SPATA13: variants seen among roughly 807,000 people sequenced by gnomAD.
SPATA13 encodes spermatogenesis associated 13, also known as spermatogenesis-associated protein 13.
In SPATA13, 50 loss-of-function variants were observed where a neutral mutation model predicts 104.0. The ratio of observed to expected loss-of-function variants is 0.48; its 90% CI spans 0.38 to 0.61. The LOEUF (loss-of-function observed/expected upper bound fraction) is 0.61. Ranked by LOEUF, SPATA13 falls within the 20% of genes least tolerant of loss-of-function variation. The probability of loss-of-function intolerance (pLI) is 0.00; values close to 1 mark genes in which losing one functional copy is unlikely to be tolerated. For missense variants in SPATA13, 1,524 were observed against 1,690.6 expected (o/e 0.90, Z 1.73); for synonymous variants, 606 against 667.5 (o/e 0.91, Z 1.42).
chr13:24,247,478 C>CTTTTTTTTTTTT (rs10625714), intron 2 of SPATA13, among the ~76,000 whole-genome samples: 1,338 of 87,062 alleles, frequency 0.015, 187 homozygotes, highest in East Asian at 0.023. Flanking sequence ...TCCACATTCA[C>CTTTTTTTTTTTT]TTTTTTTTTT....
At chr13:24,086,176 C>G (rs1879712589) in intron 3 of SPATA13, among the ~76,000 whole-genome samples, 1 of 152,082 alleles carries the variant, frequency 6.6e-6, no homozygotes, top group Admixed American at 6.5e-5. Flanking sequence ...TCAGATTTGG[C>G]AAATAAAAAT....
intron 3 of SPATA13, among the ~76,000 whole-genome samples, chr13:24,062,785 C>T (rs1456514833): frequency 1.3e-5 from 2 of 152,078 alleles, no homozygotes; most frequent in Non-Finnish European, 2.9e-5. Flanking sequence ...TATCTTCCAT[C>T]CTTCATAGCC....
At chr13:24,117,314 C>T (rs1245233182) in intron 3 of SPATA13, among the ~76,000 whole-genome samples, 1 of 152,086 alleles carries the variant, frequency 6.6e-6, no homozygotes, top group African/African-American at 2.4e-5. Flanking sequence ...TTAGCCGTCA[C>T]TGATTGGGCC....
chr13:24,087,655 CCT>C (rs1452080743), intron 3 of SPATA13, among the ~76,000 whole-genome samples: 1 of 152,116 alleles, frequency 6.6e-6, no homozygotes, highest in African/African-American at 2.4e-5. Flanking sequence ...CTGAAATACC[CCT>C]GCCATGGCAT....
At chr13:24,015,435 G>A (rs547221253) in intron 2 of SPATA13, among the ~76,000 whole-genome samples, 1 of 152,310 alleles carries the variant, frequency 6.6e-6, no homozygotes, top group South Asian at 2.1e-4. Flanking sequence ...GTACATGTGA[G>A]GAAAAACTAA....
intron 3 of SPATA13, among the ~76,000 whole-genome samples, chr13:24,138,587 T>C (rs1044666627): frequency 6.6e-6 from 1 of 152,102 alleles, no homozygotes; most frequent in Non-Finnish European, 1.5e-5. Flanking sequence ...TTTTTTTGTT[T>C]TTTAATTTAT....
intron 4 of SPATA13, among the ~76,000 whole-genome samples, chr13:24,279,616 A>T (rs1158610590): frequency 6.6e-6 from 1 of 152,226 alleles, no homozygotes; most frequent in African/African-American, 2.4e-5. Flanking sequence ...AACTTGAATC[A>T]GATCTGCCAG....
At chr13:24,107,110 A>G (rs1356846797) in intron 3 of SPATA13, among the ~76,000 whole-genome samples, 1 of 152,048 alleles carries the variant, frequency 6.6e-6, no homozygotes, top group African/African-American at 2.4e-5. Context: ...GAATAAATAG[A>G]GCTTTTACAG....
intron 3 of SPATA13, among the ~76,000 whole-genome samples, chr13:24,050,893 T>C (rs569318315): frequency 6.6e-6 from 1 of 152,216 alleles, no homozygotes; most frequent in Non-Finnish European, 1.5e-5. Flanking sequence ...GCAGCTTTAC[T>C]GTCCTGGGAG....
intron 1 of SPATA13, among the ~76,000 whole-genome samples, chr13:24,192,887 AGGT>A (rs1325186797): frequency 6.6e-6 from 1 of 152,192 alleles, no homozygotes; most frequent in Non-Finnish European, 1.5e-5. Context: ...AGAGCCCAGC[AGGT>A]GGTCCTGGGA....
rs9580928 is a variant in SPATA13 at position 24,302,131 on chromosome 13, C to T, written c.3659-467C>T. 3.3e-3 allele frequency among the ~76,000 whole-genome samples: 496 copies of T among 152,238 alleles called. 2 individuals carry two copies. Among genetic ancestry groups the T allele is most frequent in the African/African-American group, 0.012 (479 of 41,540 alleles). On this transcript the variant is annotated intron_variant, in intron 12 of 12. Transcript: ENST00000382108. ...ACTTCCCGCTGCACGTCCTGGCATT[C>T]AGTTTCTTTCCCTGTCAAGTTGTTG...
At chr13:24,154,916 A>G (rs1882215335) in intron 3 of SPATA13, among the ~76,000 whole-genome samples, 1 of 152,156 alleles carries the variant, frequency 6.6e-6, no homozygotes, top group Non-Finnish European at 1.5e-5. Flanking sequence ...GGAGTGCAAT[A>G]GCATGATCTT....
At chr13:24,017,434 C>T (rs1175043620) in intron 2 of SPATA13, among the ~76,000 whole-genome samples, 1 of 152,082 alleles carries the variant, frequency 6.6e-6, no homozygotes, top group Non-Finnish European at 1.5e-5. Context: ...TTGGGCAGAG[C>T]TTTTCTCCAT....
chr13:24,286,915 CG>C lies in SPATA13; in HGVS notation c.2635del (p.Val879CysfsTer29). The C allele has an allele frequency of 1.2e-6, 2 of 1,613,740 alleles. No homozygotes were observed. Among genetic ancestry groups the C allele is most frequent in the Non-Finnish European group, 1.7e-6 (2 of 1,179,946 alleles). ...NVIREIMDTERVYIKHLRDIC... is the reference protein window; with the variant it reads ...NVIREIMDTEXVYIKHLRDIC... ...CATCCGGGAGATCATGGACACCGAG[CG>C]GGTGTACATCAAACACCTCAGGGAC... On this transcript the variant is annotated frameshift_variant, in exon 7 of 13. Transcript: ENST00000382108. LOFTEE classifies it high-confidence loss of function. This position sits in a 1 kb window ranked among gnomAD's most constrained non-coding sequence, Gnocchi z 4.9.
chr13:24,066,412 C>T (rs1045803356), intron 3 of SPATA13, among the ~76,000 whole-genome samples: 4 of 152,208 alleles, frequency 2.6e-5, no homozygotes, highest in African/African-American at 9.7e-5. Flanking sequence ...CAAAGTCATA[C>T]GGCCCGGAGG....
At chr13:24,108,324 C>T (rs191551487) in intron 3 of SPATA13, among the ~76,000 whole-genome samples, 10 of 152,366 alleles carry the variant, frequency 6.6e-5, no homozygotes, top group South Asian at 2.1e-4. Flanking sequence ...TGATTCCCTT[C>T]GCACCTTTGC....
In SPATA13 at chr13:24,046,298, C is replaced by CTTT. The variant is rs58600844; in HGVS notation, c.-112+28606_-112+28608dup. Among the ~76,000 whole-genome samples, 836 of 145,400 alleles carry CTTT rather than the reference C, an allele frequency of 5.7e-3. 7 individuals are homozygous for CTTT. Among genetic ancestry groups the CTTT allele is most frequent in the Middle Eastern group, 0.017 (5 of 286 alleles). On this transcript the variant is annotated intron_variant, in intron 3 of 14. Transcript: ENST00000424834. ...TTCTAACACCATAGATTTCTTTTGC[C>CTTT]TTTTTTTTTTTAAGAGTCAGAGTGT...
At position 24,247,478 on chromosome 13, in the gene SPATA13, C is replaced by CTTTTTTTTTTTTTT. The variant is rs10625714; in HGVS notation, c.1654-1993_1654-1980dup. 7.1e-4 allele frequency among the ~76,000 whole-genome samples: 62 copies of CTTTTTTTTTTTTTT among 87,122 alleles called. 10 individuals carry two copies. Among genetic ancestry groups the CTTTTTTTTTTTTTT allele is most frequent in the East Asian group, 1.4e-3 (3 of 2,192 alleles). The allele number at this position is 87,122 out of a possible 152,430, so 57.2% of individuals were successfully genotyped here. ...CACTGTGCTCTTTGCTCCACATTCA[C>CTTTTTTTTTTTTTT]TTTTTTTTTTTTTTTTTTTGAGACA... On this transcript the variant is annotated intron_variant, in intron 2 of 12. Coordinates refer to ENST00000382108, the MANE Select transcript of SPATA13 (RefSeq NM_001166271.3).
At chr13:24,271,787 C>T (rs1334838212) in intron 4 of SPATA13, among the ~76,000 whole-genome samples, 3 of 152,256 alleles carry the variant, frequency 2.0e-5, no homozygotes, top group South Asian at 4.1e-4. Context: ...GATGGCAGCT[C>T]GAGGCAGCCT....
Sources: allele counts gnomAD v4.1 joint callset (sites outside exome capture counted in the v4.1 genomes callset), GRCh38; gene constraint gnomAD v4.1.1; non-coding constraint Gnocchi (gnomAD v3.1); transcripts MANE v1.5; gene names NCBI Gene and HGNC (gene_info 2026-07-23, HGNC 2026-07-21).